Variants in LRRTM4 observed in about 807,000 individuals in gnomAD.
LRRTM4 encodes the protein leucine rich repeat transmembrane neuronal 4.
A neutral mutation model predicts 47.6 loss-of-function variants in LRRTM4; 25 were observed. That is an observed-to-expected ratio of 0.53 (90% CI 0.38 to 0.73). LRRTM4 has a LOEUF of 0.73. Among genes scored for constraint, LRRTM4 ranks in the 30% least tolerant of loss-of-function variants. LRRTM4 has a pLI of 0.00. For synonymous variants in LRRTM4, 311 were observed against 269.5 expected (o/e 1.15, Z -1.51); for missense variants, 638 against 713.4 (o/e 0.89, Z 1.20).
At chr2:77,290,972 G>C (rs1331913178) in intron 3 of LRRTM4, among the ~76,000 whole-genome samples, 1 of 152,040 alleles carries the variant, frequency 6.6e-6, no homozygotes, top group East Asian at 1.9e-4. Context: ...AAGAGTCCCA[G>C]AGGAGGACAT....
chr2:77,144,402 C>G (rs1170238962), intron 3 of LRRTM4, among the ~76,000 whole-genome samples: 1 of 151,546 alleles, frequency 6.6e-6, no homozygotes, highest in African/African-American at 2.4e-5. Context: ...CAGGGCATAA[C>G]AAGGCTGCTG....
intron 3 of LRRTM4, among the ~76,000 whole-genome samples, chr2:76,976,523 T>G (rs775717245): frequency 2.6e-5 from 4 of 151,914 alleles, no homozygotes; most frequent in Admixed American, 6.6e-5. Context: ...CCTATACACC[T>G]CATTAGTCTC....
At chr2:77,035,121 G>C (rs1181629792) in intron 3 of LRRTM4, among the ~76,000 whole-genome samples, 1 of 151,462 alleles carries the variant, frequency 6.6e-6, no homozygotes, top group African/African-American at 2.4e-5. Flanking sequence ...GTGCAGGTTT[G>C]TTACATATGT....
intron 3 of LRRTM4, among the ~76,000 whole-genome samples, chr2:77,091,973 T>G (rs1326319690): frequency 1.3e-5 from 2 of 151,054 alleles, no homozygotes; most frequent in Non-Finnish European, 2.9e-5. Flanking sequence ...GTAGCCTTTC[T>G]GTCCAAACAA....
chr2:76,899,043 TA>T (rs921414782), intron 3 of LRRTM4, among the ~76,000 whole-genome samples: 33 of 152,116 alleles, frequency 2.2e-4, no homozygotes, highest in African/African-American at 7.9e-4. Flanking sequence ...AAGCGTGTTG[TA>T]AAATTGGTAA....
intron 3 of LRRTM4, chr2:76,772,866 G>C (rs190223134): frequency 2.0e-5 from 3 of 152,160 alleles, no homozygotes; most frequent in East Asian, 3.9e-4. Flanking sequence ...CTTTATCATA[G>C]GTATGGAATA....
At chr2:77,332,944 G>C (rs186086986) in intron 3 of LRRTM4, among the ~76,000 whole-genome samples, 1 of 152,160 alleles carries the variant, frequency 6.6e-6, no homozygotes, top group Non-Finnish European at 1.5e-5. Context: ...GGAGGAACTA[G>C]GTGGGAGGTG....
chr2:77,309,345 T>C (rs1677381929), intron 3 of LRRTM4, among the ~76,000 whole-genome samples: 1 of 152,170 alleles, frequency 6.6e-6, no homozygotes, highest in Admixed American at 6.5e-5. Context: ...TCGTTGACCT[T>C]CTAAGCTATG....
intron 3 of LRRTM4, among the ~76,000 whole-genome samples, chr2:76,833,433 G>C (rs1671413674): frequency 6.6e-6 from 1 of 152,004 alleles, no homozygotes; most frequent in South Asian, 2.1e-4. Flanking sequence ...TAGATATAAA[G>C]AAAGTTAAAA....
chr2:77,178,632 C>T (rs2016810), intron 3 of LRRTM4, among the ~76,000 whole-genome samples: 102,680 of 151,560 alleles, frequency 0.68, 35,132 homozygotes, highest in African/African-American at 0.79. Flanking sequence ...ATACTTTTTT[C>T]TTTACTGTTT....
At chr2:76,786,623 TAATTTGGTTTTAA>T (rs1035428639) in intron 3 of LRRTM4, among the ~76,000 whole-genome samples, 9 of 151,936 alleles carry the variant, frequency 5.9e-5, no homozygotes, top group Non-Finnish European at 1.2e-4. Context: ...AGCAGAGAGG[TAATTTGGTTTTAA>T]AAATATCTGT....
intron 3 of LRRTM4, among the ~76,000 whole-genome samples, chr2:76,998,014 G>C (rs542148836): frequency 3.3e-5 from 5 of 151,974 alleles, no homozygotes; most frequent in African/African-American, 7.2e-5. Context: ...AACAAGTTCA[G>C]GGCTTCCACT....
intron 3 of LRRTM4, among the ~76,000 whole-genome samples, chr2:77,108,502 A>C (rs1415264408): frequency 2.6e-5 from 4 of 151,978 alleles, no homozygotes; most frequent in Non-Finnish European, 5.9e-5. Flanking sequence ...TTAATTTCTT[A>C]AATAACTTCT....
At chr2:77,061,467 C>T (rs563609503) in intron 3 of LRRTM4, among the ~76,000 whole-genome samples, 1 of 152,078 alleles carries the variant, frequency 6.6e-6, no homozygotes, top group African/African-American at 2.4e-5. Flanking sequence ...CAGTGTGATA[C>T]AGAAGCTTTC....
intron 3 of LRRTM4, among the ~76,000 whole-genome samples, chr2:77,440,397 G>A (rs1321854769): frequency 6.6e-6 from 1 of 152,114 alleles, no homozygotes; most frequent in Admixed American, 6.5e-5. Context: ...CAGGGCGACA[G>A]AGTGAGACTC....
In LRRTM4 at chr2:76,919,777, A is replaced by G. The variant is rs1412827803; in HGVS notation, c.1552-170861T>C. 3.0e-4 allele frequency among the ~76,000 whole-genome samples: 46 copies of G among 152,190 alleles called. 1 individual carries two copies. Among genetic ancestry groups the G allele is most frequent in the Non-Finnish European group, 2.9e-5 (2 of 68,032 alleles). ...ACTGACACAGCATCCAATGCACATT[A>G]TAGCATACAAATAAATATTGAAGGT... On this transcript the variant is annotated intron_variant, in intron 3 of 3. Coordinates refer to ENST00000409884, the MANE Select transcript of LRRTM4 (RefSeq NM_001134745.3).
At chr2:77,441,461 T>A (rs1675839213) in intron 3 of LRRTM4, among the ~76,000 whole-genome samples, 1 of 152,206 alleles carries the variant, frequency 6.6e-6, no homozygotes, top group Admixed American at 6.5e-5. Context: ...ATACTTCTGC[T>A]GTTCGATATT....
At chr2:77,126,962 A>G (rs1056269233) in intron 3 of LRRTM4, among the ~76,000 whole-genome samples, 6 of 152,110 alleles carry the variant, frequency 3.9e-5, no homozygotes, top group Non-Finnish European at 8.8e-5. Flanking sequence ...AAGGTCCTGG[A>G]ATTTATTTTT....
At chr2:77,009,768 C>T (rs867997933) in intron 3 of LRRTM4, 1 of 152,076 alleles carries the variant, frequency 6.6e-6, no homozygotes, top group Non-Finnish European at 1.5e-5. Context: ...CACACTTTCT[C>T]TACCAATAAA....
Sources: allele counts gnomAD v4.1 joint callset (sites outside exome capture counted in the v4.1 genomes callset), GRCh38; gene constraint gnomAD v4.1.1; transcripts MANE v1.5; gene names NCBI Gene and HGNC (gene_info 2026-07-23, HGNC 2026-07-21).